Variants in EIF4G3 observed in about 807,000 individuals in gnomAD.
EIF4G3 encodes the protein eIF-4-gamma 3.
EIF4G3 carries 34 observed loss-of-function variants against 186.4 expected under a neutral mutation model. The ratio of observed to expected loss-of-function variants is 0.18; its 90% CI spans 0.14 to 0.24. The LOEUF (loss-of-function observed/expected upper bound fraction) is 0.24, where lower values mean the gene tolerates loss of function less well. Among genes scored for constraint, EIF4G3 ranks in the 10% least tolerant of loss-of-function variants. The probability of loss-of-function intolerance (pLI) is 1.00; values close to 1 mark genes in which losing one functional copy is unlikely to be tolerated. For synonymous variants in EIF4G3, 673 were observed against 679.5 expected (o/e 0.99, Z 0.15); for missense variants, 1,536 against 1,948.5 (o/e 0.79, Z 3.99).
chr1:20,853,443 T>A, intron 27 of EIF4G3, 117 bp downstream of exon 27: 1 of 615,174 alleles, frequency 1.6e-6, no homozygotes, highest in Non-Finnish European at 2.9e-6. Flanking sequence ...AGAAATCAAC[T>A]TTAGGAATAA....
chr1:20,956,617 C>CAAAAAA (rs61623629), intron 12 of EIF4G3, among the ~76,000 whole-genome samples: 12 of 114,554 alleles, frequency 1.0e-4, no homozygotes, highest in Non-Finnish European at 1.5e-4. Context: ...GTATAATTTA[C>CAAAAAA]AAAAAAAAAA....
At chr1:20,859,282 A>G (rs1014176872) in intron 24 of EIF4G3, among the ~76,000 whole-genome samples, 5 of 152,192 alleles carry the variant, frequency 3.3e-5, no homozygotes, top group African/African-American at 1.2e-4. Context: ...AATCTGGTTC[A>G]ATAATAAATA....
At chr1:20,859,909 T>C (rs1386565977) in intron 24 of EIF4G3, among the ~76,000 whole-genome samples, 2 of 152,250 alleles carry the variant, frequency 1.3e-5, no homozygotes, top group East Asian at 3.8e-4. Flanking sequence ...AAAGTGCCCC[T>C]TTCTTAAATA....
intron 3 of EIF4G3, among the ~76,000 whole-genome samples, chr1:21,087,696 C>G (rs540499114): frequency 6.6e-6 from 1 of 151,956 alleles, no homozygotes; most frequent in Non-Finnish European, 1.5e-5. Context: ...TGCAGTGGCA[C>G]GATCTCAGCT....
chr1:21,122,777 G>A (rs928311155), intron 2 of EIF4G3, among the ~76,000 whole-genome samples: 2 of 152,098 alleles, frequency 1.3e-5, no homozygotes, highest in African/African-American at 2.4e-5. Flanking sequence ...TTAACATATC[G>A]GCTGGGGTCT....
chr1:21,162,596 A>G (rs1316125549), intron 2 of EIF4G3, among the ~76,000 whole-genome samples: 1 of 152,028 alleles, frequency 6.6e-6, no homozygotes. Context: ...ACAAAAACTT[A>G]GCTGAGTGTG....
chr1:20,996,620 G>A (rs1426283583), intron 7 of EIF4G3, among the ~76,000 whole-genome samples: 1 of 152,064 alleles, frequency 6.6e-6, no homozygotes. Flanking sequence ...GGCAAATACT[G>A]GTAACATTTA....
chr1:21,007,535 AAAC>A lies in EIF4G3; in HGVS notation c.-66-4730_-66-4728del, dbSNP rs1372937816. On this transcript the variant is annotated intron_variant, in intron 4 of 36. Coordinates refer to ENST00000602326, the MANE Select transcript of EIF4G3 (RefSeq NM_001391906.1). The stretch of plus-strand genomic sequence containing the variant: ...CTCCTTAAAAAAAAAAAAAAAAAAA[AAAC>A]ACACTCAAAAACAAAAAAACTGGAA... Among the ~76,000 whole-genome samples the A allele has an allele frequency of 1.4e-3, 202 of 142,250 alleles. 4 individuals carry two copies. The highest frequency in any genetic ancestry group is 3.5e-3 in the African/African-American group (139 of 39,358). 93.3% of individuals were successfully genotyped at this position (142,250 alleles called of 152,430 possible). A position where few individuals can be genotyped will look rare whatever the true frequency, so the allele number is the denominator to read the frequency against.
chr1:20,948,789 A>C (rs1386804385), intron 13 of EIF4G3, among the ~76,000 whole-genome samples: 1 of 151,822 alleles, frequency 6.6e-6, no homozygotes, highest in Non-Finnish European at 1.5e-5. Flanking sequence ...CAGGCAGATC[A>C]TTTGAGGTCA....
chr1:20,829,040 A>T, intron 31 of EIF4G3, 107 bp downstream of exon 31: 2 of 1,219,798 alleles, frequency 1.6e-6, no homozygotes, highest in African/African-American at 1.5e-5. Context: ...GCCTGCATTC[A>T]TGAGTCTCCA....
chr1:20,903,228 G>C (rs181400130), intron 15 of EIF4G3, among the ~76,000 whole-genome samples: 1 of 152,276 alleles, frequency 6.6e-6, no homozygotes, highest in African/African-American at 2.4e-5. Flanking sequence ...TTTACACATT[G>C]TTGATGGCTG....
intron 33 of EIF4G3, among the ~76,000 whole-genome samples, chr1:20,823,953 G>A (rs2063010899): frequency 6.6e-6 from 1 of 152,204 alleles, no homozygotes; most frequent in Admixed American, 6.5e-5. Flanking sequence ...TCTCCAAAGA[G>A]CATTTTGATT....
chr1:21,022,650 A>G (rs923202399), intron 4 of EIF4G3, among the ~76,000 whole-genome samples: 1 of 152,224 alleles, frequency 6.6e-6, no homozygotes, highest in Non-Finnish European at 1.5e-5. Flanking sequence ...TTATGTTCTA[A>G]TATTCCCAAC....
chr1:21,063,914 G>A (rs1483837066), intron 3 of EIF4G3, among the ~76,000 whole-genome samples: 1 of 151,116 alleles, frequency 6.6e-6, no homozygotes, highest in African/African-American at 2.4e-5. Context: ...TCACAGATGG[G>A]GTTTTGCCAC....
intron 34 of EIF4G3, among the ~76,000 whole-genome samples, chr1:20,816,320 A>G (rs1447293576): frequency 3.6e-4 from 1 of 2,742 alleles, no homozygotes; most frequent in African/African-American, 2.3e-3. Flanking sequence ...TCCGGGAGGG[A>G]GGCGGGGGGG....
intron 14 of EIF4G3, among the ~76,000 whole-genome samples, chr1:20,908,736 A>G (rs2092695806): frequency 6.6e-6 from 1 of 152,194 alleles, no homozygotes; most frequent in Non-Finnish European, 1.5e-5. Flanking sequence ...ACAACCTAAG[A>G]GATAAACACT....
intron 31 of EIF4G3, among the ~76,000 whole-genome samples, chr1:20,828,007 G>A (rs1488622033): frequency 6.6e-6 from 1 of 151,812 alleles, no homozygotes; most frequent in Admixed American, 6.6e-5. Context: ...TAGGTAACAG[G>A]GAGTTGTGAT....
intron 13 of EIF4G3, among the ~76,000 whole-genome samples, chr1:20,944,341 CT>C (rs1223731745): frequency 2.0e-5 from 3 of 151,862 alleles, no homozygotes; most frequent in African/African-American, 7.3e-5. Flanking sequence ...ATAGTGAGAC[CT>C]TTTGTCTACA....
intron 29 of EIF4G3, among the ~76,000 whole-genome samples, chr1:20,844,596 TTTG>T (rs1052620594): frequency 6.6e-6 from 1 of 152,054 alleles, no homozygotes; most frequent in African/African-American, 2.4e-5. Flanking sequence ...AATCCCAGTA[TTTG>T]GGATGCGGAT....
Sources: gnomAD v4.1 joint callset for allele counts (sites outside exome capture counted in the v4.1 genomes callset) on GRCh38, gnomAD v4.1.1 for gene constraint, MANE v1.5 for transcripts, NCBI Gene and HGNC (gene_info 2026-07-23, HGNC 2026-07-21) for gene names.